DYNC2I1: variants seen among roughly 807,000 people sequenced by gnomAD.
DYNC2I1 encodes the protein dynein 2 intermediate chain 1, also known as cytoplasmic dynein 2 intermediate chain 1.
Under a neutral mutation model 133.4 loss-of-function variants are expected in DYNC2I1, and 89 were observed. The ratio of observed to expected loss-of-function variants is 0.67; its 90% confidence interval spans 0.56 to 0.80. DYNC2I1 has a LOEUF of 0.80. DYNC2I1 is among the 30% of genes least tolerant of loss of function. DYNC2I1 has a pLI of 0.00. For missense variants in DYNC2I1, 1,291 were observed against 1,314.5 expected (o/e 0.98, Z 0.28); for synonymous variants, 504 against 484.3 (o/e 1.04, Z -0.54).
intron 5 of DYNC2I1, among the ~76,000 whole-genome samples, chr7:158,883,812 C>T (rs1487947710): frequency 6.0e-5 from 9 of 148,790 alleles, no homozygotes; most frequent in African/African-American, 1.7e-4. Context: ...TACAGGCGCC[C>T]GCCACCACAC....
At chr7:158,930,760 C>A (rs1203213661) in intron 21 of DYNC2I1, among the ~76,000 whole-genome samples, 7 of 152,182 alleles carry the variant, frequency 4.6e-5, no homozygotes, top group African/African-American at 1.7e-4. Flanking sequence ...ACTCTGCCTC[C>A]CTGGTTCAAG....
In DYNC2I1 at chr7:158,879,940, A is replaced by G. The variant is rs1350044039; in HGVS notation, c.830A>G (p.Asp277Gly). 6.2e-7 allele frequency: 1 copy of G among 1,606,118 alleles called. No individual in the cohort carries two copies. The highest frequency in any genetic ancestry group is 1.7e-5 in the Admixed American group (1 of 57,224). The part of the protein sequence containing the change: ...FDDERHQSNV[D>G]RKEKSAKDEP... ...GATGAGAGGCACCAAAGCAACGTGG[A>G]TAGAAAAGAGAAATCGGCAAAAGAT... The change falls in exon 5 of 25, where the codon GAT (aspartate) becomes GGT (glycine). Residue 277 changes from aspartate (D) to glycine (G), a missense_variant. Asp to Gly is a moderately conservative substitution (Grantham distance 94). Coordinates refer to ENST00000407559, the MANE Select transcript of DYNC2I1 (RefSeq NM_018051.5).
At chr7:158,902,786 C>T in intron 10 of DYNC2I1, 191 bp downstream of exon 10, 1 of 588,908 alleles carries the variant, frequency 1.7e-6, no homozygotes, top group Non-Finnish European at 3.0e-6. Flanking sequence ...ACGAGCCCAT[C>T]CAGAATTCTC....
intron 8 of DYNC2I1, among the ~76,000 whole-genome samples, chr7:158,895,651 C>T (rs374317737): frequency 6.6e-5 from 10 of 152,250 alleles, no homozygotes; most frequent in Middle Eastern, 3.4e-3. Flanking sequence ...ACTTTAGAGT[C>T]GGTTTGCCAA....
intron 4 of DYNC2I1, among the ~76,000 whole-genome samples, chr7:158,952,454 C>T (rs971741212): frequency 1.7e-4 from 26 of 152,174 alleles, no homozygotes; most frequent in Admixed American, 1.5e-3. Flanking sequence ...AGGCCTCTTC[C>T]GTGGCTGAGA....
intron 1 of DYNC2I1, chr7:158,869,380 A>AC: frequency 2.2e-6 from 1 of 454,440 alleles, no homozygotes; most frequent in South Asian, 1.6e-5. Context: ...GCCCAGGAGG[A>AC]CCAGGCAGAA....
At chr7:158,933,786 C>T (rs1016304134) in intron 21 of DYNC2I1, among the ~76,000 whole-genome samples, 3 of 152,086 alleles carry the variant, frequency 2.0e-5, no homozygotes, top group African/African-American at 7.2e-5. Flanking sequence ...TACCTTGGTG[C>T]AAAAAGTAGG....
rs922315357 is a variant in DYNC2I1, at chr7:158,871,253, G to T, written c.181G>T (p.Asp61Tyr). 4 of 1,608,386 alleles carry T rather than the reference G, an allele frequency of 2.5e-6. No homozygotes were observed. In the South Asian group the frequency reaches 3.3e-5, roughly 13 times the overall value. The stretch of plus-strand genomic sequence containing the variant: ...TAAGGAGCCGAGGTGCAGGGATCCC[G>T]ACCAGGATGCCAGGAGCAGAGACAG... ...EHKEPRCRDP[D>Y]QDARSRDRVA... Residue 61 changes from aspartate to tyrosine, a missense_variant, in exon 3 of 25, where the codon GAC (aspartate) becomes TAC (tyrosine). Asp to Tyr is a radical substitution (Grantham distance 160). Coordinates refer to ENST00000407559, the MANE Select transcript of DYNC2I1 (RefSeq NM_018051.5).
At chr7:158,869,009 T>C (rs1359803315) in intron 1 of DYNC2I1, among the ~76,000 whole-genome samples, 1 of 152,184 alleles carries the variant, frequency 6.6e-6, no homozygotes, top group Non-Finnish European at 1.5e-5. Flanking sequence ...CCTTCTAATT[T>C]TCTCACATAC....
chr7:158,941,194 A>G (rs904583730), intron 23 of DYNC2I1, among the ~76,000 whole-genome samples: 2 of 152,238 alleles, frequency 1.3e-5, no homozygotes, highest in Non-Finnish European at 2.9e-5. Flanking sequence ...TATTATGAAC[A>G]TCTATAAGCC....
chr7:158,848,708 A>G, the DYNC2I1 span, among the ~76,000 whole-genome samples: 1 of 152,156 alleles, frequency 6.6e-6, no homozygotes, highest in Admixed American at 6.6e-5. Context: ...GCGGATCACG[A>G]GGTCAGGAGA....
At chr7:158,936,021 GTC>G (rs1850717260) in intron 23 of DYNC2I1, among the ~76,000 whole-genome samples, 1 of 152,004 alleles carries the variant, frequency 6.6e-6, no homozygotes, top group Non-Finnish European at 1.5e-5. Flanking sequence ...GCAAAACTCC[GTC>G]TCTACTAAAA....
chr7:158,884,251 G>A (rs1340366947), intron 5 of DYNC2I1, among the ~76,000 whole-genome samples: 5 of 150,722 alleles, frequency 3.3e-5, no homozygotes. Flanking sequence ...CTCCGTGTTG[G>A]TCAGGCTCGT....
intron 11 of DYNC2I1, among the ~76,000 whole-genome samples, chr7:158,908,126 G>A (rs993857297): frequency 2.0e-5 from 3 of 151,824 alleles, no homozygotes. Flanking sequence ...CACTTTATAC[G>A]CGTGTGGGGT....
chr7:158,861,651 G>T (rs966383705), intron 1 of DYNC2I1, among the ~76,000 whole-genome samples: 1 of 152,150 alleles, frequency 6.6e-6, no homozygotes, highest in Non-Finnish European at 1.5e-5. Context: ...TCACAGATAG[G>T]ACTCTCATCT....
At chr7:158,926,143 A>T in intron 17 of DYNC2I1, 44 bp from the exon 18 acceptor site, 1 of 1,472,744 alleles carries the variant, frequency 6.8e-7, no homozygotes, top group East Asian at 2.3e-5. Context: ...GCATTTCTTC[A>T]ACTTACTACT....
chr7:158,891,350 T>C lies in DYNC2I1; in HGVS notation c.1059+17T>C. 6.2e-7 allele frequency: 1 copy of C among 1,614,032 alleles called. No homozygotes were observed. The highest frequency in any genetic ancestry group is 8.5e-7 in the Non-Finnish European group (1 of 1,179,862). On this transcript the variant is annotated intron_variant, in intron 8 of 24. Transcript: ENST00000407559. ...GAAACCGTGGTAAGGAGAGTACGTC[T>C]TCTTATAGTTTGCAATCCTGTCCCA...
At chr7:158,933,614 G>A (rs1043429635) in intron 21 of DYNC2I1, among the ~76,000 whole-genome samples, 1 of 152,226 alleles carries the variant, frequency 6.6e-6, no homozygotes, top group African/African-American at 2.4e-5. Flanking sequence ...TGAGATGTTA[G>A]CATCACAGTT....
intron 11 of DYNC2I1, 115 bp downstream of exon 11, chr7:158,906,206 G>A (rs935543395): frequency 5.7e-6 from 5 of 884,760 alleles, no homozygotes; most frequent in East Asian, 5.3e-5. Flanking sequence ...TTTTTGGGGT[G>A]TATGACTTAA....
Sources: allele counts gnomAD v4.1 joint callset (sites outside exome capture counted in the v4.1 genomes callset), GRCh38; gene constraint gnomAD v4.1.1; transcripts MANE v1.5; gene names NCBI Gene and HGNC (gene_info 2026-07-23, HGNC 2026-07-21).